FKTN: variants seen among roughly 807,000 people sequenced by gnomAD.
The protein encoded by FKTN is fukutin, also known as ribitol-5-phosphate transferase FKTN.
A neutral mutation model predicts 58.6 loss-of-function variants in FKTN; 47 were observed. The ratio of observed to expected loss-of-function variants is 0.80; its 90% CI spans 0.63 to 1.02. FKTN has a LOEUF of 1.02. Among genes scored for constraint, FKTN ranks in the 50% least tolerant of loss-of-function variants. The pLI is 0.00. For missense variants in FKTN, 516 were observed against 537.3 expected (o/e 0.96, Z 0.39); for synonymous variants, 178 against 191.9 (o/e 0.93, Z 0.60).
intron 3 of FKTN, among the ~76,000 whole-genome samples, chr9:105,584,638 G>A (rs1395118575): frequency 1.3e-5 from 2 of 151,972 alleles, no homozygotes; most frequent in Non-Finnish European, 2.9e-5. Context: ...ATGGCACCAT[G>A]GCAAAACCCC....
At chr9:105,577,666 C>A (rs1772454902) in intron 3 of FKTN, among the ~76,000 whole-genome samples, 1 of 150,654 alleles carries the variant, frequency 6.6e-6, no homozygotes, top group Non-Finnish European at 1.5e-5. Flanking sequence ...TTTTTTGGTT[C>A]CCTATGAACT....
At chr9:105,604,601 A>G (rs1310376348) in intron 6 of FKTN, 109 bp downstream of exon 6, 2 of 864,610 alleles carry the variant, frequency 2.3e-6, no homozygotes, top group South Asian at 1.6e-5. Flanking sequence ...TTATATAAGT[A>G]TTTACAGTAA....
In FKTN at chr9:105,565,987, T is replaced by G. The variant is rs539164853; in HGVS notation, c.-180-7668T>G. 8.3e-3 allele frequency among the ~76,000 whole-genome samples: 1,260 copies of G among 152,274 alleles called. 20 individuals carry two copies. The highest frequency in any genetic ancestry group is 0.029 in the African/African-American group (1,204 of 41,542). ...GTGCAATCAAACTAGAACTCAGGAT[T>G]AAGAAACTCACTCAAAACCGCTCAA... On this transcript the variant is annotated intron_variant, in intron 1 of 10. Transcript: ENST00000357998.
chr9:105,607,370 A>C (rs1829085073), intron 6 of FKTN, among the ~76,000 whole-genome samples: 1 of 152,082 alleles, frequency 6.6e-6, no homozygotes, highest in African/African-American at 2.4e-5. Flanking sequence ...TCTGCTTAAA[A>C]TGCCAAGTGT....
At chr9:105,634,187 A>T (rs866000257) in intron 10 of FKTN, among the ~76,000 whole-genome samples, 4 of 151,636 alleles carry the variant, frequency 2.6e-5, no homozygotes, top group Admixed American at 1.3e-4. Context: ...GCTGGAGTGC[A>T]GTGGCGTGAT....
At chr9:105,558,896 T>C (rs535469600) in intron 1 of FKTN, among the ~76,000 whole-genome samples, 1 of 152,322 alleles carries the variant, frequency 6.6e-6, no homozygotes, top group East Asian at 1.9e-4. Flanking sequence ...TAAGCATTTA[T>C]ATTTTAGCGA....
intron 1 of FKTN, among the ~76,000 whole-genome samples, chr9:105,558,576 A>G (rs1837639577): frequency 6.6e-6 from 1 of 151,844 alleles, no homozygotes; most frequent in Non-Finnish European, 1.5e-5. Flanking sequence ...TGAAATTTAC[A>G]ATTTCTCATT....
chr9:105,622,736 T>C (rs1293969463), intron 10 of FKTN, among the ~76,000 whole-genome samples: 3 of 152,222 alleles, frequency 2.0e-5, no homozygotes, highest in East Asian at 1.9e-4. Flanking sequence ...GTACATCTAA[T>C]GCATTTAGAA....
chr9:105,636,690 T>C lies in FKTN; in HGVS notation c.*1426T>C. 7.8e-7 allele frequency: 1 copy of C among 1,281,100 alleles called. No individual in the cohort carries two copies. The highest frequency in any genetic ancestry group is 1.0e-6 in the Non-Finnish European group (1 of 973,548). 79.4% of individuals were successfully genotyped at this position (1,281,100 alleles called of 1,614,324 possible). A position where few individuals can be genotyped will look rare whatever the true frequency, so the allele number is the denominator to read the frequency against. On this transcript the variant is annotated 3_prime_UTR_variant, in exon 11 of 11. Coordinates refer to ENST00000357998, the MANE Select transcript of FKTN (RefSeq NM_001079802.2). ...TTGTCTAGGAAAGGAAGCTGAATCT[T>C]ATATCTTATCTATGCTATTTAGGAC... is the stretch of plus-strand genomic sequence containing the variant.
At position 105,604,468 on chromosome 9, in the gene FKTN, G is replaced by T. The variant is rs778048703; in HGVS notation, c.623G>T (p.Gly208Val). The T allele has an allele frequency of 1.2e-6, 2 of 1,614,104 alleles. No individual in the cohort carries two copies. The highest frequency in any genetic ancestry group is 1.7e-6 in the Non-Finnish European group (2 of 1,179,954). The change falls in exon 6 of 11, where the codon GGT becomes GTT. Residue 208 changes from glycine to valine, a missense_variant. By Grantham distance (109) the Gly-to-Val change is moderately radical. Coordinates refer to ENST00000357998, the MANE Select transcript of FKTN (RefSeq NM_001079802.2). Reference protein sequence around the residue: ...KFVPFRKLQFGRYPGAFDRPE... With the variant: ...KFVPFRKLQFVRYPGAFDRPE... Reference sequence around the variant, plus strand: ...GTTCCCTTCCGAAAGTTACAGTTTGGTCGTTATCCAGGAGCTTTTGACAGG... The same window carrying T: ...GTTCCCTTCCGAAAGTTACAGTTTGTTCGTTATCCAGGAGCTTTTGACAGG...
chr9:105,625,357 G>A (rs1357521851), intron 10 of FKTN, among the ~76,000 whole-genome samples: 2 of 152,116 alleles, frequency 1.3e-5, no homozygotes, highest in Non-Finnish European at 2.9e-5. Context: ...AGAGACTTAG[G>A]GCCATGTAAA....
chr9:105,637,435 T>A lies in FKTN; in HGVS notation c.*2171T>A, dbSNP rs1023412331. 18 of 985,350 alleles carry A rather than the reference T, an allele frequency of 1.8e-5. No homozygotes were observed. Among genetic ancestry groups the A allele is most frequent in the Non-Finnish European group, 2.2e-5 (18 of 829,958 alleles). The allele number at this position is 985,350 out of a possible 1,614,324, so 61.0% of individuals were successfully genotyped here. A position where few individuals can be genotyped will look rare whatever the true frequency, so the allele number is the denominator to read the frequency against. On this transcript the variant is annotated 3_prime_UTR_variant, in exon 11 of 11. Coordinates refer to ENST00000357998, the MANE Select transcript of FKTN (RefSeq NM_001079802.2). ...GTCTTCTGGTTTCACAGGCTTCAGC[T>A]CATGGGTTCCACCCTAACTTGGGGA...
chr9:105,581,851 G>A (rs1470281621), intron 3 of FKTN, among the ~76,000 whole-genome samples: 2 of 152,218 alleles, frequency 1.3e-5, no homozygotes, highest in Non-Finnish European at 2.9e-5. Context: ...CGAGCCAGGT[G>A]TGGGATATAG....
At chr9:105,601,429 C>T (rs1413180170) in intron 5 of FKTN, 81 bp downstream of exon 5, 3 of 1,037,758 alleles carry the variant, frequency 2.9e-6, no homozygotes, top group African/African-American at 1.6e-5. Context: ...AAATGTAAAA[C>T]ATTAAAAATT....
At chr9:105,597,168 A>C (rs1046822512) in intron 4 of FKTN, among the ~76,000 whole-genome samples, 4 of 152,184 alleles carry the variant, frequency 2.6e-5, no homozygotes, top group African/African-American at 9.6e-5. Context: ...ATGTTTTAAA[A>C]CTAAATTTAG....
At chr9:105,610,740 T>A (rs563377681) in intron 7 of FKTN, among the ~76,000 whole-genome samples, 1 of 152,182 alleles carries the variant, frequency 6.6e-6, no homozygotes, top group Non-Finnish European at 1.5e-5. Flanking sequence ...TTCATGTGGA[T>A]GTCCTCATTA....
At chr9:105,566,219 C>T (rs563625560) in intron 1 of FKTN, among the ~76,000 whole-genome samples, 1 of 152,200 alleles carries the variant, frequency 6.6e-6, no homozygotes, top group South Asian at 2.1e-4. Flanking sequence ...AATTGACACC[C>T]TAACATCACA....
rs369797361 is a variant in FKTN, at chr9:105,575,110, C to T, written c.78C>T (p.Tyr26=). The change falls in exon 3 of 11, where the codon TAC becomes TAT. Residue 26 remains tyrosine (Y), a synonymous_variant. Transcript: ENST00000357998. ...TSSAFLLFQL[Y]YYKHYLSTKN... is the part of the protein sequence containing the mutation. Reference sequence around the variant, plus strand: ...CTGCATTTCTGCTGTTTCAGTTGTACTACTACAAGCACTATTTATCAACAA... The same window carrying T: ...CTGCATTTCTGCTGTTTCAGTTGTATTACTACAAGCACTATTTATCAACAA... 4 of 1,602,342 alleles carry T rather than the reference C, an allele frequency of 2.5e-6. No individual in the cohort carries two copies. Among genetic ancestry groups the T allele is most frequent in the Non-Finnish European group, 2.6e-6 (3 of 1,169,462 alleles).
At chr9:105,590,086 A>C (rs1158801693) in intron 3 of FKTN, among the ~76,000 whole-genome samples, 1 of 152,160 alleles carries the variant, frequency 6.6e-6, no homozygotes, top group Non-Finnish European at 1.5e-5. Context: ...TTTGATGAGA[A>C]TAGATTGGCT....
Sources: gnomAD v4.1 joint callset for allele counts (sites outside exome capture counted in the v4.1 genomes callset) on GRCh38, gnomAD v4.1.1 for gene constraint, MANE v1.5 for transcripts, NCBI Gene and HGNC (gene_info 2026-07-23, HGNC 2026-07-21) for gene names.